Variants in CAMK1D observed in about 807,000 individuals in gnomAD.
CAMK1D encodes the protein calcium/calmodulin-dependent protein kinase type 1D.
A neutral mutation model predicts 47.7 loss-of-function variants in CAMK1D; 9 were observed. The ratio of observed to expected loss-of-function variants is 0.19; its 90% CI spans 0.11 to 0.33. The LOEUF is 0.33. Among genes scored for constraint, CAMK1D ranks in the 10% least tolerant of loss-of-function variants. The pLI, the probability that CAMK1D is intolerant of heterozygous loss-of-function variation, is 1.00. For synonymous variants in CAMK1D, 184 were observed against 184.9 expected (o/e 0.99, Z 0.04); for missense variants, 291 against 488.7 (o/e 0.60, Z 3.81).
At chr10:12,482,332 G>A (rs1436442115) in intron 1 of CAMK1D, among the ~76,000 whole-genome samples, 1 of 152,300 alleles carries the variant, frequency 6.6e-6, no homozygotes, top group Non-Finnish European at 1.5e-5. Context: ...CTTTGGAGCT[G>A]GGTGGAGATG....
At chr10:12,532,811 A>AC (rs1835851600) in intron 1 of CAMK1D, among the ~76,000 whole-genome samples, 1 of 152,148 alleles carries the variant, frequency 6.6e-6, no homozygotes, top group Non-Finnish European at 1.5e-5. Context: ...GGAACTGGAG[A>AC]TCATCGTGTT....
chr10:12,691,694 G>A (rs963159991), intron 3 of CAMK1D, among the ~76,000 whole-genome samples: 4 of 151,512 alleles, frequency 2.6e-5, no homozygotes, highest in South Asian at 2.1e-4. Flanking sequence ...CTTGTCATCC[G>A]CCCGCCTCGG....
chr10:12,561,289 G>T (rs1182675999), intron 2 of CAMK1D, among the ~76,000 whole-genome samples: 1 of 152,042 alleles, frequency 6.6e-6, no homozygotes. Flanking sequence ...GGTGTGCGTG[G>T]TTAAAGCCGA....
chr10:12,374,095 A>G (rs1838094938), intron 1 of CAMK1D, among the ~76,000 whole-genome samples: 1 of 151,390 alleles, frequency 6.6e-6, no homozygotes, highest in Non-Finnish European at 1.5e-5. Context: ...CCCCGTCTCT[A>G]CTAAAAATAT....
chr10:12,444,387 T>C (rs1023745785), intron 1 of CAMK1D, among the ~76,000 whole-genome samples: 20 of 152,130 alleles, frequency 1.3e-4, no homozygotes. Context: ...AGGAGGTGTA[T>C]ATGCTGATGT....
rs879346668 is a variant in CAMK1D, at chr10:12,829,927, A to C, written c.*1040A>C. The stretch of plus-strand genomic sequence containing the variant: ...AGCCTTTGCTGGCAACCCATCCAGC[A>C]GAACCCACACCCACCAGAGACCCTA... On this transcript the variant is annotated 3_prime_UTR_variant, in exon 11 of 11. Transcript: ENST00000619168. The C allele has an allele frequency of 6.6e-6, 1 of 152,258 alleles. No individual in the cohort carries two copies. The highest frequency in any genetic ancestry group is 1.5e-5 in the Non-Finnish European group (1 of 68,142). The allele number at this position is 152,258 out of a possible 1,614,324, so 9.4% of individuals were successfully genotyped here.
At chr10:12,656,733 A>G (rs1339487834) in intron 2 of CAMK1D, among the ~76,000 whole-genome samples, 14 of 152,198 alleles carry the variant, frequency 9.2e-5, no homozygotes, top group Admixed American at 8.5e-4. Flanking sequence ...TCTGGCAGCA[A>G]AGAGAGGTGA....
chr10:12,521,703 G>T (rs1835420935), intron 1 of CAMK1D, among the ~76,000 whole-genome samples: 1 of 152,126 alleles, frequency 6.6e-6, no homozygotes, highest in Non-Finnish European at 1.5e-5. Flanking sequence ...AACCATCCAA[G>T]TATAATGTTG....
intron 1 of CAMK1D, among the ~76,000 whole-genome samples, chr10:12,396,939 C>T (rs1370358084): frequency 1.3e-5 from 2 of 152,192 alleles, no homozygotes; most frequent in Non-Finnish European, 2.9e-5. Flanking sequence ...CTGTGTTTGG[C>T]CCACAGCTGT....
At position 12,694,151 on chromosome 10, in the gene CAMK1D, T is replaced by TAA. The variant is rs1554811607; in HGVS notation, c.299+27342_299+27343dup. On this transcript the variant is annotated intron_variant, in intron 3 of 10. Transcript: ENST00000619168. ...TATATATTATATATAATATAATATA[T>TAA]AATATATATTATGCATAATATATAT... Among the ~76,000 whole-genome samples, 59 of 17,448 alleles carry TAA rather than the reference T, an allele frequency of 3.4e-3. 3 individuals carry two copies. Among genetic ancestry groups the TAA allele is most frequent in the African/African-American group, 0.012 (54 of 4,662 alleles). 11.4% of individuals were successfully genotyped at this position (17,448 alleles called of 152,430 possible). A position where few individuals can be genotyped will look rare whatever the true frequency, so the allele number is the denominator to read the frequency against.
At chr10:12,825,177 T>C (rs1833154429) in intron 9 of CAMK1D, among the ~76,000 whole-genome samples, 1 of 152,296 alleles carries the variant, frequency 6.6e-6, no homozygotes, top group East Asian at 1.9e-4. Context: ...TGCCATTACT[T>C]TTGCACCAAC....
At chr10:12,622,600 C>T (rs1448305320) in intron 2 of CAMK1D, among the ~76,000 whole-genome samples, 1 of 152,072 alleles carries the variant, frequency 6.6e-6, no homozygotes, top group Non-Finnish European at 1.5e-5. Flanking sequence ...CATACTTCTA[C>T]TCCTTTTTGC....
At chr10:12,452,922 T>A (rs1425843490) in intron 1 of CAMK1D, among the ~76,000 whole-genome samples, 1 of 152,078 alleles carries the variant, frequency 6.6e-6, no homozygotes, top group Non-Finnish European at 1.5e-5. Flanking sequence ...TTCACATTGT[T>A]GTGCAGCCAT....
At chr10:12,683,933 CTCA>C (rs1438112467) in intron 3 of CAMK1D, among the ~76,000 whole-genome samples, 2 of 152,112 alleles carry the variant, frequency 1.3e-5, no homozygotes, top group African/African-American at 2.4e-5. Flanking sequence ...TTATTTTTCA[CTCA>C]TCATAGATGC....
intron 5 of CAMK1D, among the ~76,000 whole-genome samples, chr10:12,772,346 C>G (rs1837080131): frequency 6.6e-6 from 1 of 152,158 alleles, no homozygotes; most frequent in Admixed American, 6.6e-5. Flanking sequence ...GATGCTGGTT[C>G]TCTTTTCAGC....
At chr10:12,612,195 A>C (rs907662178) in intron 2 of CAMK1D, among the ~76,000 whole-genome samples, 2 of 152,140 alleles carry the variant, frequency 1.3e-5, no homozygotes, top group Non-Finnish European at 2.9e-5. Context: ...CCAGCCTGGA[A>C]CAAAGGTCTA....
At chr10:12,634,936 T>C (rs1034717946) in intron 2 of CAMK1D, among the ~76,000 whole-genome samples, 2 of 152,108 alleles carry the variant, frequency 1.3e-5, no homozygotes, top group Non-Finnish European at 2.9e-5. Flanking sequence ...TTTGTTCCAT[T>C]CTTTGTTTAG....
At chr10:12,610,726 A>G (rs958186964) in intron 2 of CAMK1D, among the ~76,000 whole-genome samples, 2 of 152,204 alleles carry the variant, frequency 1.3e-5, no homozygotes, top group African/African-American at 4.8e-5. Context: ...TTTAGGCTCA[A>G]AAAGCAACCT....
At chr10:12,766,002 G>A (rs949653740) in intron 4 of CAMK1D, among the ~76,000 whole-genome samples, 4 of 92,860 alleles carry the variant, frequency 4.3e-5, no homozygotes, top group East Asian at 3.6e-4. Flanking sequence ...TTTCGCTCTT[G>A]TTGCCCAGAC....
Sources: allele counts gnomAD v4.1 joint callset (sites outside exome capture counted in the v4.1 genomes callset), GRCh38; gene constraint gnomAD v4.1.1; transcripts MANE v1.5; gene names NCBI Gene and HGNC (gene_info 2026-07-23, HGNC 2026-07-21).